Variants in SAMTOR observed in about 807,000 individuals in gnomAD.
SAMTOR encodes UPF0532 protein C7orf60.
the SAMTOR span, among the ~76,000 whole-genome samples, chr7:112,828,208 G>C: frequency 1.3e-5 from 2 of 152,182 alleles, no homozygotes; most frequent in African/African-American, 2.4e-5. Context: ...TGCTAGTGCT[G>C]TTGTAACAAA....
the SAMTOR span, among the ~76,000 whole-genome samples, chr7:112,917,219 A>T: frequency 1.3e-5 from 2 of 152,170 alleles, no homozygotes; most frequent in African/African-American, 4.8e-5. Flanking sequence ...GGGCAGACTG[A>T]CACCTCACAC....
chr7:112,863,964 G>C, the SAMTOR span, among the ~76,000 whole-genome samples: 1 of 152,120 alleles, frequency 6.6e-6, no homozygotes, highest in African/African-American at 2.4e-5. Flanking sequence ...GTTCACTGCA[G>C]CACTATTCAC....
chr7:112,858,859 T>C, the SAMTOR span, among the ~76,000 whole-genome samples: 1 of 152,204 alleles, frequency 6.6e-6, no homozygotes. Flanking sequence ...ATTTAATACA[T>C]GAAATGACAC....
the SAMTOR span, among the ~76,000 whole-genome samples, chr7:112,826,370 T>C: frequency 1.3e-5 from 2 of 152,204 alleles, no homozygotes; most frequent in African/African-American, 4.8e-5. Flanking sequence ...ATTCATCTTA[T>C]CTGTTTCTTC....
chr7:112,937,511 T>C, the SAMTOR span, among the ~76,000 whole-genome samples: 69 of 151,948 alleles, frequency 4.5e-4, no homozygotes, highest in African/African-American at 1.3e-3. Context: ...AATTATTTCC[T>C]TAGTATTATT....
the SAMTOR span, among the ~76,000 whole-genome samples, chr7:112,900,323 T>C: frequency 1.3e-5 from 2 of 152,170 alleles, no homozygotes; most frequent in Non-Finnish European, 2.9e-5. Context: ...ATTTTATAAG[T>C]TGTAGTCTAA....
the SAMTOR span, among the ~76,000 whole-genome samples, chr7:112,905,458 G>A: frequency 6.6e-6 from 1 of 151,692 alleles, no homozygotes; most frequent in Non-Finnish European, 1.5e-5. Context: ...TCATTTTCAG[G>A]GAGCAAAATT....
the SAMTOR span, among the ~76,000 whole-genome samples, chr7:112,888,348 A>T: frequency 1.1e-4 from 17 of 152,184 alleles, no homozygotes; most frequent in Non-Finnish European, 1.9e-4. Context: ...ATGGCCAAAT[A>T]TGGTAGCATA....
chr7:112,826,189 T>G, the SAMTOR span, among the ~76,000 whole-genome samples: 4 of 152,132 alleles, frequency 2.6e-5, no homozygotes, highest in Non-Finnish European at 5.9e-5. Context: ...ATAGAATGAG[T>G]TGGGAAGTAT....
the SAMTOR span, among the ~76,000 whole-genome samples, chr7:112,912,356 G>A: frequency 6.6e-6 from 1 of 151,672 alleles, no homozygotes; most frequent in African/African-American, 2.4e-5. Context: ...TTTTTCTCTG[G>A]CTTTTAATGA....
the SAMTOR span, among the ~76,000 whole-genome samples, chr7:112,928,591 A>G: frequency 6.6e-6 from 1 of 152,000 alleles, no homozygotes; most frequent in Non-Finnish European, 1.5e-5. Context: ...AATTTTCATC[A>G]TGCTCAAAAA....
chr7:112,842,996 A>G, the SAMTOR span, among the ~76,000 whole-genome samples: 1 of 152,046 alleles, frequency 6.6e-6, no homozygotes, highest in African/African-American at 2.4e-5. Context: ...ACTACCTGAA[A>G]ATGCATGTTC....
chr7:112,841,935 G>C, the SAMTOR span, among the ~76,000 whole-genome samples: 5 of 152,002 alleles, frequency 3.3e-5, no homozygotes, highest in Non-Finnish European at 7.4e-5. Context: ...ACTCAAGATG[G>C]ATTAAAGACT....
chr7:112,869,949 G>C, the SAMTOR span, among the ~76,000 whole-genome samples: 2 of 152,160 alleles, frequency 1.3e-5, no homozygotes, highest in Admixed American at 6.5e-5. Flanking sequence ...AGACAAAGCA[G>C]AAGAAAGAAT....
At chr7:112,880,041 T>C in the SAMTOR span, among the ~76,000 whole-genome samples, 1 of 152,164 alleles carries the variant, frequency 6.6e-6, no homozygotes, top group Non-Finnish European at 1.5e-5. Context: ...ACAGAATAAA[T>C]TTTTTGAATG....
the SAMTOR span, among the ~76,000 whole-genome samples, chr7:112,852,315 G>A: frequency 6.6e-6 from 1 of 152,094 alleles, no homozygotes; most frequent in Admixed American, 6.6e-5. Flanking sequence ...GCAGCAGTAT[G>A]AATGGAACTG....
the SAMTOR span, chr7:112,939,538 C>T: frequency 6.2e-7 from 1 of 1,612,132 alleles, no homozygotes; most frequent in Non-Finnish European, 8.5e-7. Flanking sequence ...AGGTGACAAG[C>T]GGTTGGGGGT....
the SAMTOR span, among the ~76,000 whole-genome samples, chr7:112,870,369 C>T: frequency 6.6e-6 from 1 of 152,086 alleles, no homozygotes; most frequent in Non-Finnish European, 1.5e-5. Context: ...GATTGGGCTC[C>T]CGCTCCCTGC....
the SAMTOR span, among the ~76,000 whole-genome samples, chr7:112,890,864 A>AT: frequency 6.6e-6 from 1 of 151,428 alleles, no homozygotes; most frequent in Non-Finnish European, 1.5e-5. Flanking sequence ...CTTTTTTGTT[A>AT]TTTTTTTGTA....
Sources: allele counts gnomAD v4.1 joint callset (sites outside exome capture counted in the v4.1 genomes callset), GRCh38; gene constraint gnomAD v4.1.1; transcripts MANE v1.5; gene names NCBI Gene and HGNC (gene_info 2026-07-23, HGNC 2026-07-21).